The following PCDH20 variants were observed in gnomAD, a reference collection of about 807,000 sequenced individuals.
The protein encoded by PCDH20 is protocadherin 20.
A neutral mutation model predicts 39.7 loss-of-function variants in PCDH20; 18 were observed. That is an observed-to-expected ratio of 0.45 (90% CI 0.31 to 0.67). The LOEUF (loss-of-function observed/expected upper bound fraction) is 0.67. Among genes scored for constraint, PCDH20 ranks in the 30% least tolerant of loss-of-function variants. The probability of loss-of-function intolerance (pLI) is 0.05; values close to 1 mark genes in which losing one functional copy is unlikely to be tolerated. For missense variants in PCDH20, 1,161 were observed against 1,167.4 expected (o/e 0.99, Z 0.08); for synonymous variants, 495 against 455.4 (o/e 1.09, Z -1.11).
chr13:61,411,776 C>G, exon 2 of PCDH20: 1 of 1,614,182 alleles, frequency 6.2e-7, no homozygotes, highest in Non-Finnish European at 8.5e-7. Context: ...GCATTCATGC[C>G]TGTGTCTTTG....
At chr13:61,411,663 C>G in exon 2 of PCDH20, 1 of 1,614,216 alleles carries the variant, frequency 6.2e-7, no homozygotes, top group Non-Finnish European at 8.5e-7. Context: ...CATAATCTGT[C>G]TGCAGCAATG....
At chr13:61,411,016 T>TTA (rs57584567) in exon 2 of PCDH20, 8 of 292,206 alleles carry the variant, frequency 2.7e-5, no homozygotes, top group African/African-American at 8.8e-5. Context: ...TTTTTTTTTT[T>TTA]AAATACAAGT....
exon 1 of PCDH20, chr13:61,415,153 G>A: frequency 6.9e-7 from 1 of 1,446,464 alleles, no homozygotes; most frequent in Non-Finnish European, 9.2e-7. Flanking sequence ...TCCCTCGGCC[G>A]CGCATTCCCT....
At chr13:61,411,020 T>A (rs372338566) in exon 2 of PCDH20, 51 of 266,124 alleles carry the variant, frequency 1.9e-4, no homozygotes, top group Non-Finnish European at 4.2e-5. Flanking sequence ...TTTTTTTAAA[T>A]ACAAGTCCTA....
In PCDH20 at chr13:61,412,968, A is replaced by G. The variant is rs777163716; in HGVS notation, c.1131T>C (p.Thr377=). ...TCTTACTGAAAAGTTTAATGACTCCAGTGTTTTCATCCAGGTGAAATAAAT... is the reference window on the plus strand; with the variant it reads ...TCTTACTGAAAAGTTTAATGACTCCGGTGTTTTCATCCAGGTGAAATAAAT... The change falls in exon 2 of 2, where the codon ACT becomes ACC. Residue 377 remains threonine, a synonymous_variant. Coordinates refer to ENST00000409204, the Ensembl canonical transcript of PCDH20. The G allele has an allele frequency of 1.9e-6, 3 of 1,614,166 alleles. No individual in the cohort carries two copies. In the Admixed American group the frequency reaches 5.0e-5, roughly 27 times the overall value.
exon 2 of PCDH20, chr13:61,412,627 G>T: frequency 6.2e-7 from 1 of 1,614,040 alleles, no homozygotes. Context: ...AGGTTTTGTG[G>T]TCTCTAGTAA....
exon 2 of PCDH20, chr13:61,409,717 T>C (rs571692073): frequency 6.6e-6 from 1 of 152,154 alleles, no homozygotes; most frequent in Non-Finnish European, 1.5e-5. Context: ...AATTGAGTAA[T>C]GAATTCATTT....
At chr13:61,415,056 T>C (rs1004212906) in exon 1 of PCDH20, 112 of 1,563,290 alleles carry the variant, frequency 7.2e-5, no homozygotes, top group Non-Finnish European at 9.6e-5. Context: ...GTGCTGCTCC[T>C]GGGACGATGT....
At position 61,413,054 on chromosome 13, in the gene PCDH20, A is replaced by G. The variant is rs755966566; in HGVS notation, c.1045T>C (p.Leu349=). 5 of 1,614,190 alleles carry G rather than the reference A, an allele frequency of 3.1e-6. No individual in the cohort carries two copies. The East Asian group carries it at 1.1e-4, about 36-fold the overall frequency. The change falls in exon 2 of 2, where the codon TTG becomes CTG. Residue 349 remains leucine, a synonymous_variant. Transcript: ENST00000409204. ...TAAGTAATTTGAGCATTGGTCCCCA[A>G]GTCTTTATCCACAGCCTGGACAGCT... is the stretch of plus-strand genomic sequence containing the variant.
chr13:61,414,620 C>T (rs532008096), intron 1 of PCDH20, among the ~76,000 whole-genome samples: 2 of 152,270 alleles, frequency 1.3e-5, no homozygotes, highest in South Asian at 2.1e-4. Context: ...ATTTCCACCC[C>T]TTACCAAGCA....
Position 61,413,975 on chromosome 13 carries a change from G to A in PCDH20, c.133-9C>T. 6.3e-7 allele frequency: 1 copy of A among 1,595,048 alleles called. No individual in the cohort carries two copies. Among genetic ancestry groups the A allele is most frequent in the African/African-American group, 1.3e-5 (1 of 74,544 alleles). ...AAAAACAGAAACAGATGCTGGAGTTGGGGGAGGGAAGAAAGCTCATTACAC... is the reference window on the plus strand; with the variant it reads ...AAAAACAGAAACAGATGCTGGAGTTAGGGGAGGGAAGAAAGCTCATTACAC... On this transcript the variant is annotated splice_polypyrimidine_tract_variant and intron_variant, in intron 1 of 1. Coordinates refer to ENST00000409204, the Ensembl canonical transcript of PCDH20.
chr13:61,410,132 T>G (rs1011436428), exon 2 of PCDH20: 1 of 152,070 alleles, frequency 6.6e-6, no homozygotes, highest in African/African-American at 2.4e-5. Flanking sequence ...AAATAAACTG[T>G]TGGATTTAAT....
At chr13:61,412,723 G>A in exon 2 of PCDH20, 2 of 1,614,048 alleles carry the variant, frequency 1.2e-6, no homozygotes, top group Non-Finnish European at 1.7e-6. Context: ...TTTACCTTCT[G>A]GATCTCTTAT....
exon 2 of PCDH20, chr13:61,411,990 C>T: frequency 6.2e-7 from 1 of 1,614,154 alleles, no homozygotes; most frequent in Non-Finnish European, 8.5e-7. Context: ...AGCTTTGCTG[C>T]TCTCTGTCCA....
exon 1 of PCDH20, chr13:61,415,318 G>A: frequency 1.2e-6 from 1 of 853,900 alleles, no homozygotes; most frequent in South Asian, 3.7e-5. Context: ...GAGGGCAGAA[G>A]GGCACATTCA....
chr13:61,412,875 A>G, exon 2 of PCDH20: 1 of 1,614,106 alleles, frequency 6.2e-7, no homozygotes, highest in Non-Finnish European at 8.5e-7. Context: ...CAGTGATTAC[A>G]GCAGGGATGC....
chr13:61,415,129 T>C, exon 1 of PCDH20: 1 of 1,505,982 alleles, frequency 6.6e-7, no homozygotes, highest in Middle Eastern at 2.2e-4. Context: ...CCAGGGCCTG[T>C]GAGCTGCGCG....
exon 2 of PCDH20, chr13:61,413,595 G>A: frequency 6.2e-7 from 1 of 1,614,192 alleles, no homozygotes; most frequent in Admixed American, 1.7e-5. Context: ...GAGAGGAGGA[G>A]ATGGAAACGC....
intron 1 of PCDH20, among the ~76,000 whole-genome samples, chr13:61,414,781 C>A (rs1871500499): frequency 6.6e-6 from 1 of 152,156 alleles, no homozygotes; most frequent in African/African-American, 2.4e-5. Context: ...ATTGAGCGCA[C>A]CCCCGATGCC....
Sources: allele counts gnomAD v4.1 joint callset (sites outside exome capture counted in the v4.1 genomes callset), GRCh38; gene constraint gnomAD v4.1.1; transcripts MANE v1.5; gene names NCBI Gene and HGNC (gene_info 2026-07-23, HGNC 2026-07-21).